LRRTM4: variants seen among roughly 807,000 people sequenced by gnomAD.
LRRTM4 encodes the protein leucine rich repeat transmembrane neuronal 4.
Under a neutral mutation model 47.6 loss-of-function variants are expected in LRRTM4, and 25 were observed. The ratio of observed to expected loss-of-function variants is 0.53; its 90% CI spans 0.38 to 0.73. The LOEUF (loss-of-function observed/expected upper bound fraction) is 0.73. LRRTM4 is among the 30% of genes least tolerant of loss of function. LRRTM4 has a pLI of 0.00. For synonymous variants in LRRTM4, 311 were observed against 269.5 expected, an observed-to-expected ratio of 1.15 and a Z score of -1.51; for missense variants, 638 against 713.4, an observed-to-expected ratio of 0.89 and a Z score of 1.20.
At chr2:76,801,719 CTCAGCAAAATA>C (rs1177483006) in intron 3 of LRRTM4, among the ~76,000 whole-genome samples, 1 of 151,776 alleles carries the variant, frequency 6.6e-6, no homozygotes, top group Non-Finnish European at 1.5e-5. Context: ...ATGAAAAATC[CTCAGCAAAATA>C]TCAGCAAACT....
At chr2:76,796,830 G>A (rs1310544710) in intron 3 of LRRTM4, among the ~76,000 whole-genome samples, 1 of 151,998 alleles carries the variant, frequency 6.6e-6, no homozygotes, top group African/African-American at 2.4e-5. Flanking sequence ...GAAGAAGGCA[G>A]ACGCCTCAGG....
At chr2:77,185,617 A>T (rs1194797580) in intron 3 of LRRTM4, among the ~76,000 whole-genome samples, 1 of 152,174 alleles carries the variant, frequency 6.6e-6, no homozygotes, top group Non-Finnish European at 1.5e-5. Flanking sequence ...TAAGATGGAT[A>T]AGTCAAACTA....
chr2:77,045,062 C>A (rs569574004), intron 3 of LRRTM4, among the ~76,000 whole-genome samples: 2 of 151,736 alleles, frequency 1.3e-5, no homozygotes, highest in African/African-American at 2.4e-5. Flanking sequence ...AAAATAAATT[C>A]TCTTTACATA....
intron 3 of LRRTM4, among the ~76,000 whole-genome samples, chr2:77,282,767 G>T (rs1676542610): frequency 6.6e-6 from 1 of 152,038 alleles, no homozygotes; most frequent in Non-Finnish European, 1.5e-5. Context: ...TCAATAAATG[G>T]TGTTGAGATA....
At chr2:77,319,195 G>T (rs2104220670) in intron 3 of LRRTM4, among the ~76,000 whole-genome samples, 1 of 152,090 alleles carries the variant, frequency 6.6e-6, no homozygotes, top group African/African-American at 2.4e-5. Context: ...AGACCAGCCT[G>T]GTCAAAATAG....
At chr2:77,088,214 G>A (rs547218056) in intron 3 of LRRTM4, among the ~76,000 whole-genome samples, 1 of 152,268 alleles carries the variant, frequency 6.6e-6, no homozygotes, top group Admixed American at 6.5e-5. Flanking sequence ...ACTTCCAGGT[G>A]GCACATAAAT....
intron 3 of LRRTM4, among the ~76,000 whole-genome samples, chr2:77,060,280 G>T (rs928807936): frequency 2.0e-5 from 3 of 152,086 alleles, no homozygotes; most frequent in Non-Finnish European, 4.4e-5. Context: ...ATTTACTGGT[G>T]ATTTTTTGGG....
intron 3 of LRRTM4, among the ~76,000 whole-genome samples, chr2:76,825,994 C>A (rs920696279): frequency 5.9e-5 from 9 of 151,590 alleles, no homozygotes; most frequent in Non-Finnish European, 1.0e-4. Flanking sequence ...TTTGCTAACA[C>A]GAAGTAACTG....
intron 3 of LRRTM4, among the ~76,000 whole-genome samples, chr2:77,239,018 A>C: frequency 6.6e-6 from 1 of 152,020 alleles, no homozygotes; most frequent in East Asian, 1.9e-4. Context: ...TAAATAAAAA[A>C]ATTTAAAAAA....
chr2:77,515,341 T>C (rs1327960702), intron 3 of LRRTM4, among the ~76,000 whole-genome samples: 2 of 151,864 alleles, frequency 1.3e-5, no homozygotes, highest in South Asian at 2.1e-4. Context: ...GAAAATTGCA[T>C]GCTATATTTG....
At chr2:76,928,354 T>C (rs1305061066) in intron 3 of LRRTM4, among the ~76,000 whole-genome samples, 1 of 152,106 alleles carries the variant, frequency 6.6e-6, no homozygotes, top group African/African-American at 2.4e-5. Flanking sequence ...CATTCCAAAG[T>C]GTTATGAATA....
chr2:76,983,338 T>C (rs1676678199), intron 3 of LRRTM4, among the ~76,000 whole-genome samples: 3 of 152,058 alleles, frequency 2.0e-5, no homozygotes, highest in Admixed American at 2.0e-4. Flanking sequence ...AAATCTCTCC[T>C]TGAATTGTAA....
At chr2:77,103,978 C>A (rs1288522481) in intron 3 of LRRTM4, among the ~76,000 whole-genome samples, 1 of 152,122 alleles carries the variant, frequency 6.6e-6, no homozygotes, top group African/African-American at 2.4e-5. Context: ...CAAACTCAAT[C>A]ATTCAACTGA....
At position 76,905,819 on chromosome 2, in the gene LRRTM4, A is replaced by G. The variant is rs193116172; in HGVS notation, c.1552-156903T>C. 9.0e-4 allele frequency among the ~76,000 whole-genome samples: 137 copies of G among 152,296 alleles called. 3 individuals carry two copies. In the East Asian group the frequency reaches 0.017, roughly 19 times the overall value. On this transcript the variant is annotated intron_variant, in intron 3 of 3. Coordinates refer to ENST00000409884, the MANE Select transcript of LRRTM4 (RefSeq NM_001134745.3). ...GAAAAAAGAAAAAAAAGAAACGAAC[A>G]AAGCCTCCAAGAAATATGGGACTTT...
chr2:76,846,891 A>C (rs1178566927), intron 3 of LRRTM4, among the ~76,000 whole-genome samples: 1 of 149,440 alleles, frequency 6.7e-6, no homozygotes, highest in Non-Finnish European at 1.5e-5. Context: ...TGATGTTAGA[A>C]AGTAAAAAGG....
intron 3 of LRRTM4, among the ~76,000 whole-genome samples, chr2:77,077,177 G>A (rs1277530001): frequency 1.3e-5 from 2 of 152,118 alleles, no homozygotes; most frequent in African/African-American, 4.8e-5. Context: ...TGATTAATGA[G>A]TTTGATATAA....
chr2:77,188,278 A>G (rs1398655026), intron 3 of LRRTM4, among the ~76,000 whole-genome samples: 1 of 152,184 alleles, frequency 6.6e-6, no homozygotes, highest in Admixed American at 6.6e-5. Context: ...CTAATGACAT[A>G]CGATATTTCC....
intron 3 of LRRTM4, among the ~76,000 whole-genome samples, chr2:77,473,102 G>A (rs1373129958): frequency 1.3e-5 from 2 of 151,988 alleles, no homozygotes; most frequent in African/African-American, 4.8e-5. Flanking sequence ...TCCTATCACA[G>A]GCTACTTTTT....
At chr2:77,182,855 T>C (rs996986018) in intron 3 of LRRTM4, among the ~76,000 whole-genome samples, 1 of 152,130 alleles carries the variant, frequency 6.6e-6, no homozygotes. Flanking sequence ...ATTTAATAAA[T>C]GGTGCTGGGA....
Sources: allele counts gnomAD v4.1 joint callset (sites outside exome capture counted in the v4.1 genomes callset), GRCh38; gene constraint gnomAD v4.1.1; transcripts MANE v1.5; gene names NCBI Gene and HGNC (gene_info 2026-07-23, HGNC 2026-07-21).